Variants in NOCT observed in about 807,000 individuals in gnomAD.
The protein encoded by NOCT is nocturnin.
Under a neutral mutation model 35.0 loss-of-function variants are expected in NOCT, and 18 were observed. That is an observed-to-expected ratio of 0.51 (90% CI 0.36 to 0.76). NOCT has a LOEUF of 0.76. Among genes scored for constraint, NOCT ranks in the 30% least tolerant of loss-of-function variants. NOCT has a pLI of 0.01. For synonymous variants in NOCT, 235 were observed against 226.3 expected (o/e 1.04, Z -0.34); for missense variants, 479 against 541.0 (o/e 0.89, Z 1.14).
At chr4:139,027,561 G>A (rs918783089) in intron 1 of NOCT, among the ~76,000 whole-genome samples, 3 of 151,502 alleles carry the variant, frequency 2.0e-5, no homozygotes, top group Non-Finnish European at 2.9e-5. Flanking sequence ...GTGCAGTGGC[G>A]CAATCTTGGC....
chr4:139,016,650 T>G (rs1726311992), intron 1 of NOCT, among the ~76,000 whole-genome samples: 1 of 118,976 alleles, frequency 8.4e-6, no homozygotes, highest in Admixed American at 8.9e-5. Flanking sequence ...TGTTTTTTTT[T>G]TTTTTTTTTT....
In NOCT at chr4:139,017,975, G is replaced by T. The variant is rs981347297; in HGVS notation, c.190+1804G>T. On this transcript the variant is annotated intron_variant, in intron 1 of 2. Transcript: ENST00000280614. ...TCAGACTCTGGAGCAGTTGAGATTTGCAGGTGGAAGCCACCATGCCCAACT... is the reference window on the plus strand; with the variant it reads ...TCAGACTCTGGAGCAGTTGAGATTTTCAGGTGGAAGCCACCATGCCCAACT... 5.3e-5 allele frequency among the ~76,000 whole-genome samples: 8 copies of T among 152,134 alleles called. 1 individual carries two copies. Among genetic ancestry groups the T allele is most frequent in the Admixed American group, 5.2e-4 (8 of 15,278 alleles).
intron 2 of NOCT, among the ~76,000 whole-genome samples, chr4:139,044,300 TA>T (rs149038303): frequency 6.6e-6 from 1 of 152,088 alleles, no homozygotes; most frequent in African/African-American, 2.4e-5. Flanking sequence ...ATTTGGTGTT[TA>T]AAAAAACCAA....
chr4:139,016,811 G>A (rs1241494158), intron 1 of NOCT, among the ~76,000 whole-genome samples: 1 of 151,572 alleles, frequency 6.6e-6, no homozygotes, highest in Non-Finnish European at 1.5e-5. Context: ...CAGTCACCAC[G>A]CCTAGCTAAC....
chr4:139,027,494 CTTTA>C (rs1726544423), intron 1 of NOCT, among the ~76,000 whole-genome samples: 1 of 151,774 alleles, frequency 6.6e-6, no homozygotes, highest in African/African-American at 2.4e-5. Flanking sequence ...AATATGTAAA[CTTTA>C]TTTATGGACT....
At position 139,044,892 on chromosome 4, in the gene NOCT, ATTTT is replaced by A; in HGVS notation, c.717_720del (p.Leu241LysfsTer6). 1 of 1,614,094 alleles carries A rather than the reference ATTTT, an allele frequency of 6.2e-7. No individual in the cohort carries two copies. On this transcript the variant is annotated frameshift_variant, in exon 3 of 3. Coordinates refer to ENST00000280614, the MANE Select transcript of NOCT (RefSeq NM_012118.4). LOFTEE classifies it high-confidence loss of function. ...ACAATGGACCAGATGGTTGTGCCTTATTTTTTCTTCAAAACCGATTCAAGCTAGT... is the reference window on the plus strand; with the variant it reads ...ACAATGGACCAGATGGTTGTGCCTTATTCTTCAAAACCGATTCAAGCTAGT...
chr4:139,026,447 C>G (rs1184427836), intron 1 of NOCT, among the ~76,000 whole-genome samples: 2 of 152,108 alleles, frequency 1.3e-5, no homozygotes, highest in Admixed American at 1.3e-4. Flanking sequence ...AGGCTGAACT[C>G]AAACCCCTGG....
intron 1 of NOCT, among the ~76,000 whole-genome samples, chr4:139,039,869 A>G (rs1416198866): frequency 6.6e-6 from 1 of 152,010 alleles, no homozygotes; most frequent in Non-Finnish European, 1.5e-5. Flanking sequence ...CTGGGATTAC[A>G]GGCGCCCAAC....
chr4:139,042,938 AAATGG>A (rs1283700183), intron 1 of NOCT, 131 bp from the exon 2 acceptor site: 8 of 699,890 alleles, frequency 1.1e-5, no homozygotes, highest in Non-Finnish European at 1.8e-5. Flanking sequence ...AAGAAAAAAG[AAATGG>A]CTTTATACAC....
intron 1 of NOCT, among the ~76,000 whole-genome samples, chr4:139,037,796 G>C (rs1278999184): frequency 6.6e-6 from 1 of 152,136 alleles, no homozygotes; most frequent in South Asian, 2.1e-4. Context: ...GCTGAGGTGG[G>C]AGGATGGCTT....
chr4:139,031,789 T>G (rs903909084), intron 1 of NOCT, among the ~76,000 whole-genome samples: 4 of 151,978 alleles, frequency 2.6e-5, no homozygotes, highest in African/African-American at 7.3e-5. Flanking sequence ...CTCAGCTCAC[T>G]GCAACCTCTG....
At chr4:139,022,579 C>T (rs1026485259) in intron 1 of NOCT, among the ~76,000 whole-genome samples, 4 of 152,242 alleles carry the variant, frequency 2.6e-5, no homozygotes, top group East Asian at 3.9e-4. Flanking sequence ...ACAACACAGG[C>T]GGACACCTGT....
At chr4:139,017,540 A>T (rs546048679) in intron 1 of NOCT, among the ~76,000 whole-genome samples, 93 of 148,486 alleles carry the variant, frequency 6.3e-4, no homozygotes, top group African/African-American at 2.0e-3. Context: ...TATAAAATTT[A>T]AAAAAATAGG....
chr4:139,027,720 G>A (rs537761342), intron 1 of NOCT, among the ~76,000 whole-genome samples: 2 of 152,070 alleles, frequency 1.3e-5, no homozygotes, highest in African/African-American at 2.4e-5. Flanking sequence ...GGATGATCTC[G>A]ATCTCCTGAC....
Position 139,015,820 on chromosome 4 carries a change from G to C in NOCT, c.-162G>C. 2.0e-6 allele frequency: 1 copy of C among 493,848 alleles called. No homozygotes were observed. Among genetic ancestry groups the C allele is most frequent in the Non-Finnish European group, 3.1e-6 (1 of 324,222 alleles). The allele number at this position is 493,848 out of a possible 1,614,324, so 30.6% of individuals were successfully genotyped here. Reference sequence around the variant, plus strand: ...CAGCGGTGTTGCACCTCCCTCTCCGGCTCTGCTGCCCGGGATTTCCCCAGA... The same window carrying C: ...CAGCGGTGTTGCACCTCCCTCTCCGCCTCTGCTGCCCGGGATTTCCCCAGA... On this transcript the variant is annotated 5_prime_UTR_variant, in exon 1 of 3. Transcript: ENST00000280614.
At chr4:139,026,667 C>T (rs531723550) in intron 1 of NOCT, among the ~76,000 whole-genome samples, 1 of 151,902 alleles carries the variant, frequency 6.6e-6, no homozygotes, top group South Asian at 2.1e-4. Flanking sequence ...TCTCCTGCCT[C>T]AGCCTCCCAA....
chr4:139,021,495 G>A (rs1277900892), intron 1 of NOCT, among the ~76,000 whole-genome samples: 1 of 151,668 alleles, frequency 6.6e-6, no homozygotes, highest in Non-Finnish European at 1.5e-5. Flanking sequence ...GCACGCACCT[G>A]TAATCCCAGC....
At chr4:139,016,206 C>T (rs1364901306) in intron 1 of NOCT, 35 bp downstream of exon 1, 17 of 1,203,990 alleles carry the variant, frequency 1.4e-5, no homozygotes, top group African/African-American at 1.6e-5. Flanking sequence ...GAGAACGCCA[C>T]GGCCGCCAAC....
intron 1 of NOCT, 64 bp from the exon 2 acceptor site, chr4:139,043,010 G>T: frequency 6.9e-7 from 1 of 1,459,162 alleles, no homozygotes. Context: ...TTATCTTACA[G>T]TTGTGCTGGG....
Sources: allele counts gnomAD v4.1 joint callset (sites outside exome capture counted in the v4.1 genomes callset), GRCh38; gene constraint gnomAD v4.1.1; transcripts MANE v1.5; gene names NCBI Gene and HGNC (gene_info 2026-07-23, HGNC 2026-07-21).